The following ETFA variants were observed in gnomAD, a reference collection of about 807,000 sequenced individuals.
The protein encoded by ETFA is electron transfer flavoprotein subunit alpha, mitochondrial.
ETFA carries 22 observed loss-of-function variants against 46.2 expected under a neutral mutation model. The ratio of observed to expected loss-of-function variants is 0.48; its 90% CI spans 0.34 to 0.68. The LOEUF is 0.68. Ranked by LOEUF, ETFA falls within the 30% of genes least tolerant of loss-of-function variation. The pLI is 0.01. For missense variants in ETFA, 345 were observed against 401.1 expected, an observed-to-expected ratio of 0.86 and a Z score of 1.19; for synonymous variants, 131 against 139.9, an observed-to-expected ratio of 0.94 and a Z score of 0.45.
chr15:76,305,863 T>C (rs555912712), intron 1 of ETFA, among the ~76,000 whole-genome samples: 1 of 141,428 alleles, frequency 7.1e-6, no homozygotes, highest in South Asian at 2.1e-4. Flanking sequence ...TCAATAGTTG[T>C]TTTTTTTTTT....
At chr15:76,220,075 G>GT (rs1007507890) in intron 11 of ETFA, among the ~76,000 whole-genome samples, 2 of 151,806 alleles carry the variant, frequency 1.3e-5, no homozygotes, top group African/African-American at 2.4e-5. Context: ...TCTGTTTTTT[G>GT]TTTTTTTTCT....
chr15:76,258,954 G>A, intron 9 of ETFA: 1 of 1,498,580 alleles, frequency 6.7e-7, no homozygotes, highest in South Asian at 1.1e-5. Flanking sequence ...ATCAGAGCCA[G>A]CCAAATTGCC....
At chr15:76,259,002 G>A (rs2039374551) in intron 9 of ETFA, 4 of 1,606,080 alleles carry the variant, frequency 2.5e-6, no homozygotes, top group African/African-American at 1.3e-5. Context: ...GCTATTGTGT[G>A]GCAGTAGCCC....
At chr15:76,233,325 CTTT>C (rs66595585) in intron 9 of ETFA, among the ~76,000 whole-genome samples, 3 of 84,470 alleles carry the variant, frequency 3.6e-5, no homozygotes, top group African/African-American at 4.6e-5. Flanking sequence ...ATTCAATAGG[CTTT>C]TTTTTTTTTT....
At chr15:76,223,240 C>A (rs984854474) in intron 11 of ETFA, among the ~76,000 whole-genome samples, 1 of 107,006 alleles carries the variant, frequency 9.3e-6, no homozygotes, top group African/African-American at 3.2e-5. Flanking sequence ...TTTTTTGAGA[C>A]AGAGTCTTGC....
intron 1 of ETFA, among the ~76,000 whole-genome samples, chr15:76,305,438 A>T (rs1010775027): frequency 6.6e-6 from 1 of 152,250 alleles, no homozygotes; most frequent in Non-Finnish European, 1.5e-5. Context: ...AAACATGTAT[A>T]AGGGTAACTA....
chr15:76,263,486 A>G (rs944873261), intron 9 of ETFA, among the ~76,000 whole-genome samples: 2 of 152,256 alleles, frequency 1.3e-5, no homozygotes, highest in African/African-American at 4.8e-5. Context: ...GGATGAAGTT[A>G]AAGCAAACAT....
At chr15:76,227,432 G>A (rs961081727) in intron 10 of ETFA, among the ~76,000 whole-genome samples, 13 of 147,116 alleles carry the variant, frequency 8.8e-5, no homozygotes, top group Admixed American at 8.3e-4. Flanking sequence ...CAGGAGAATC[G>A]CTCAACTCTG....
intron 9 of ETFA, among the ~76,000 whole-genome samples, chr15:76,247,714 G>A (rs913156652): frequency 3.9e-5 from 6 of 152,122 alleles, no homozygotes; most frequent in African/African-American, 1.2e-4. Flanking sequence ...GAGCAGTGTA[G>A]AAGAAATAAC....
Position 76,285,749 on chromosome 15 carries a change from T to A in ETFA, c.563-11A>T, listed in dbSNP as rs2039699653. The A allele has an allele frequency of 2.1e-6, 3 of 1,407,168 alleles. No individual in the cohort carries two copies. The East Asian group carries it at 6.8e-5, about 32-fold the overall frequency. 87.2% of individuals were successfully genotyped at this position (1,407,168 alleles called of 1,614,324 possible). A position where few individuals can be genotyped will look rare whatever the true frequency, so the allele number is the denominator to read the frequency against. On this transcript the variant is annotated splice_polypyrimidine_tract_variant and intron_variant, in intron 6 of 11. Transcript: ENST00000557943. ...GTGAAGTACTTGATGCTGCATACAT[T>A]AATACATAATAAAACAATGACTATG...
At chr15:76,311,134 C>G (rs1481690443) in intron 1 of ETFA, among the ~76,000 whole-genome samples, 1 of 152,210 alleles carries the variant, frequency 6.6e-6, no homozygotes, top group East Asian at 1.9e-4. Flanking sequence ...TCGGGGTCAC[C>G]CTGACCCCAA....
chr15:76,261,063 C>T (rs978536933), intron 9 of ETFA: 14 of 1,555,748 alleles, frequency 9.0e-6, no homozygotes, highest in South Asian at 5.6e-5. Context: ...AGTGGCTATG[C>T]GAGAAGAGGC....
chr15:76,249,560 G>A (rs1048253833), intron 9 of ETFA, among the ~76,000 whole-genome samples: 1 of 149,932 alleles, frequency 6.7e-6, no homozygotes, highest in Non-Finnish European at 1.5e-5. Flanking sequence ...TCCTGCCTCA[G>A]CCTCCCGAGT....
intron 11 of ETFA, among the ~76,000 whole-genome samples, chr15:76,225,414 G>T (rs1288228100): frequency 4.6e-5 from 7 of 151,892 alleles, no homozygotes; most frequent in Admixed American, 3.3e-4. Flanking sequence ...TCAGCCTCCC[G>T]AGTAGCTGGG....
intron 9 of ETFA, chr15:76,260,264 C>A: frequency 8.5e-7 from 1 of 1,176,914 alleles, no homozygotes; most frequent in Admixed American, 1.7e-5. Context: ...GATTGAAGGA[C>A]CGGGCTGCCC....
intron 8 of ETFA, among the ~76,000 whole-genome samples, chr15:76,280,127 A>G (rs892985160): frequency 1.1e-4 from 16 of 152,026 alleles, no homozygotes; most frequent in African/African-American, 3.9e-4. Context: ...ATGGCTTTCA[A>G]TATCATCCAA....
At position 76,295,622 on chromosome 15, in the gene ETFA, G is replaced by C; in HGVS notation, c.155C>G (p.Ser52Cys). Reference protein sequence around the residue: ...TAATRLGGEVSCLVAGTKCDK... With the variant: ...TAATRLGGEVCCLVAGTKCDK... ...ACATTTGGTTCCAGCTACTAAGCAG[G>C]ACACTTCACCTCCAAGGCGTGTGGC... is the stretch of plus-strand genomic sequence containing the variant. Residue 52 changes from serine to cysteine, a missense_variant, in exon 2 of 12, where the codon TCC (serine) becomes TGC (cysteine). Ser to Cys is a moderately radical substitution (Grantham distance 112). Coordinates refer to ENST00000557943, the MANE Select transcript of ETFA (RefSeq NM_000126.4). 1 of 1,613,776 alleles carries C rather than the reference G, an allele frequency of 6.2e-7. No homozygotes were observed. Among genetic ancestry groups the C allele is most frequent in the Non-Finnish European group, 8.5e-7 (1 of 1,179,824 alleles).
rs144767121 is a variant in ETFA at position 76,226,505 on chromosome 15, A to C, written c.883-576T>G. Among the ~76,000 whole-genome samples the C allele has an allele frequency of 3.9e-3, 600 of 152,220 alleles. 3 individuals are homozygous for C. Among genetic ancestry groups the C allele is most frequent in the African/African-American group, 0.014 (568 of 41,526 alleles). ...AGACTGAGGCAGGAGACTCACTTGA[A>C]CCTGGGAGGCAGAGGTTGCAGTGAG... On this transcript the variant is annotated intron_variant, in intron 10 of 11. Coordinates refer to ENST00000557943, the MANE Select transcript of ETFA (RefSeq NM_000126.4).
At chr15:76,280,143 C>G (rs2039633324) in intron 8 of ETFA, among the ~76,000 whole-genome samples, 1 of 152,116 alleles carries the variant, frequency 6.6e-6, no homozygotes, top group Non-Finnish European at 1.5e-5. Flanking sequence ...TCCAAATGAA[C>G]TGATTCTCAA....
Sources: gnomAD v4.1 joint callset for allele counts (sites outside exome capture counted in the v4.1 genomes callset) on GRCh38, gnomAD v4.1.1 for gene constraint, MANE v1.5 for transcripts, NCBI Gene and HGNC (gene_info 2026-07-23, HGNC 2026-07-21) for gene names.